Variants in EVI5 observed in about 807,000 individuals in gnomAD.
EVI5 encodes ecotropic viral integration site 5 protein homolog.
Under a neutral mutation model 112.0 loss-of-function variants are expected in EVI5, and 73 were observed. The observed-to-expected ratio is 0.65, with a 90% confidence interval of 0.54 to 0.79. EVI5 has a LOEUF of 0.79. Among genes scored for constraint, EVI5 ranks in the 30% least tolerant of loss-of-function variants. The pLI, the probability that EVI5 is intolerant of heterozygous loss-of-function variation, is 0.00. For synonymous variants in EVI5, 305 were observed against 319.9 expected (o/e 0.95, Z 0.50); for missense variants, 900 against 968.8 (o/e 0.93, Z 0.94).
At chr1:92,632,614 C>CA (rs1420205555) in intron 14 of EVI5, among the ~76,000 whole-genome samples, 1 of 152,068 alleles carries the variant, frequency 6.6e-6, no homozygotes, top group East Asian at 1.9e-4. Context: ...TTGATCTTTT[C>CA]AAAAAACCAG....
intron 1 of EVI5, among the ~76,000 whole-genome samples, chr1:92,790,779 A>ACTGC (rs1178520004): frequency 4.0e-5 from 6 of 150,204 alleles, no homozygotes; most frequent in Non-Finnish European, 8.8e-5. Context: ...ACATCACGCC[A>ACTGC]ATGCACTGCA....
chr1:92,556,612 T>C (rs957480516), intron 19 of EVI5, among the ~76,000 whole-genome samples: 1 of 152,158 alleles, frequency 6.6e-6, no homozygotes, highest in East Asian at 1.9e-4. Flanking sequence ...CTTAATGTAT[T>C]GTCATCTGAT....
intron 1 of EVI5, chr1:92,784,565 G>A: frequency 2.7e-6 from 1 of 366,994 alleles, no homozygotes; most frequent in Non-Finnish European, 3.8e-6. Flanking sequence ...TCCCTCCACC[G>A]CCCTGGGACG....
At chr1:92,557,521 A>C (rs1571521812) in intron 19 of EVI5, among the ~76,000 whole-genome samples, 1 of 151,012 alleles carries the variant, frequency 6.6e-6, no homozygotes, top group Admixed American at 6.6e-5. Flanking sequence ...CTAGTCTCAA[A>C]CTCCTGACCT....
At position 92,513,609 on chromosome 1, in the gene EVI5, GA is replaced by G. The variant is rs934205548; in HGVS notation, c.*46del. 1.6e-6 allele frequency: 2 copies of G among 1,244,838 alleles called. No homozygotes were observed. Among genetic ancestry groups the G allele is most frequent in the African/African-American group, 3.1e-5 (2 of 64,512 alleles). The allele number at this position is 1,244,838 out of a possible 1,614,324, so 77.1% of individuals were successfully genotyped here. ...TATTTCCAAAAAGCCCTAATCATATGATAACTGATCCCTTAAATAAATCCAT... is the reference window on the plus strand; with the variant it reads ...TATTTCCAAAAAGCCCTAATCATATGTAACTGATCCCTTAAATAAATCCAT... On this transcript the variant is annotated 3_prime_UTR_variant, in exon 20 of 20. Coordinates refer to ENST00000684568, the MANE Select transcript of EVI5 (RefSeq NM_001350197.2).
At chr1:92,636,415 TAC>T in intron 13 of EVI5, 79 bp from the exon 14 acceptor site, 1 of 1,202,228 alleles carries the variant, frequency 8.3e-7, no homozygotes, top group African/African-American at 1.5e-5. Context: ...AACCACATAA[TAC>T]AGTTATATTA....
chr1:92,559,256 C>G (rs1323493835), intron 19 of EVI5, among the ~76,000 whole-genome samples: 1 of 152,158 alleles, frequency 6.6e-6, no homozygotes, highest in Non-Finnish European at 1.5e-5. Flanking sequence ...TTTTGATCCA[C>G]GATTGGTTGA....
chr1:92,725,604 T>C (rs896482364), intron 2 of EVI5, among the ~76,000 whole-genome samples: 3 of 151,916 alleles, frequency 2.0e-5, no homozygotes, highest in African/African-American at 7.3e-5. Context: ...ACACCTGTAG[T>C]CCCAGCCACT....
chr1:92,623,081 T>TG (rs34372674), intron 16 of EVI5, among the ~76,000 whole-genome samples: 133 of 152,242 alleles, frequency 8.7e-4, no homozygotes, highest in Middle Eastern at 6.8e-3. Context: ...AAAAGCTGTG[T>TG]TTTCATCTTT....
intron 18 of EVI5, among the ~76,000 whole-genome samples, chr1:92,564,774 G>A (rs1267377466): frequency 6.6e-6 from 1 of 151,848 alleles, no homozygotes; most frequent in Non-Finnish European, 1.5e-5. Context: ...CTGCCACCTG[G>A]GTTCAAGCAA....
Position 92,783,494 on chromosome 1 carries a change from A to AG in EVI5, c.-82+1341_-82+1342insC, listed in dbSNP as rs1453798768. On this transcript the variant is annotated intron_variant, in intron 1 of 19. Transcript: ENST00000684568. ...GTGAGACTCAGCCTTAAAAAAAAAA[A>AG]AAAAAAAAAAAAAGAAAAGAAAAGA... Among the ~76,000 whole-genome samples the AG allele has an allele frequency of 7.5e-5, 9 of 119,294 alleles. 1 individual carries two copies. Among genetic ancestry groups the AG allele is most frequent in the Admixed American group, 6.5e-4 (7 of 10,718 alleles). The allele number at this position is 119,294 out of a possible 152,430, so 78.3% of individuals were successfully genotyped here.
At chr1:92,665,195 ACTCT>A (rs1446754454) in intron 11 of EVI5, among the ~76,000 whole-genome samples, 1 of 152,044 alleles carries the variant, frequency 6.6e-6, no homozygotes, top group Non-Finnish European at 1.5e-5. Context: ...ACAGAGCGAG[ACTCT>A]CTCTCAAAAA....
intron 18 of EVI5, among the ~76,000 whole-genome samples, chr1:92,593,605 C>A (rs1292126010): frequency 5.3e-5 from 8 of 152,128 alleles, no homozygotes; most frequent in South Asian, 2.1e-4. Flanking sequence ...AAGGGTATTC[C>A]ATTAGGAAAA....
intron 19 of EVI5, among the ~76,000 whole-genome samples, chr1:92,561,891 G>C (rs1668691158): frequency 6.6e-6 from 1 of 152,110 alleles, no homozygotes; most frequent in Non-Finnish European, 1.5e-5. Flanking sequence ...GCCTGCTTCA[G>C]CCTCCCAAAG....
intron 14 of EVI5, among the ~76,000 whole-genome samples, chr1:92,629,775 C>A (rs1038409628): frequency 1.3e-4 from 19 of 151,724 alleles, no homozygotes; most frequent in Non-Finnish European, 1.3e-4. Flanking sequence ...ATTAACTCGT[C>A]ATTTAACATT....
chr1:92,634,770 T>C (rs1658364018), intron 14 of EVI5, among the ~76,000 whole-genome samples: 1 of 152,222 alleles, frequency 6.6e-6, no homozygotes, highest in African/African-American at 2.4e-5. Context: ...TTTTAGAATT[T>C]TCAGTTTTTC....
Position 92,677,169 on chromosome 1 carries a change from C to A in EVI5, c.1147G>T (p.Val383Phe). 4 of 1,588,630 alleles carry A rather than the reference C, an allele frequency of 2.5e-6. No homozygotes were observed. Among genetic ancestry groups the A allele is most frequent in the Non-Finnish European group, 3.4e-6 (4 of 1,162,634 alleles). The change falls in exon 10 of 20, where the codon GTT (valine) becomes TTT (phenylalanine). Residue 383 changes from valine (V) to phenylalanine (F), a missense_variant. Physicochemically the swap from Val to Phe is conservative, Grantham distance 50. Coordinates refer to ENST00000684568, the MANE Select transcript of EVI5 (RefSeq NM_001350197.2). Reference sequence around the variant, plus strand: ...CCCCAACTGCTTACTTTAATTTCAACTTGCTCTTCCATTTCTTTCGTTTTT... The same window carrying A: ...CCCCAACTGCTTACTTTAATTTCAAATTGCTCTTCCATTTCTTTCGTTTTT... ...TIKTKEMEEQ[V>F]EIKRLRTENR... is the part of the protein sequence containing the mutation.
intron 18 of EVI5, among the ~76,000 whole-genome samples, chr1:92,564,661 T>C (rs1364616090): frequency 4.7e-5 from 7 of 147,546 alleles, no homozygotes; most frequent in African/African-American, 1.8e-4. Context: ...AAAACGAACA[T>C]AAATTATTTT....
chr1:92,748,705 T>C (rs1679701664), intron 1 of EVI5, among the ~76,000 whole-genome samples: 1 of 143,890 alleles, frequency 6.9e-6, no homozygotes, highest in Admixed American at 7.0e-5. Flanking sequence ...TTCAAATAAT[T>C]GAGAAAAAAA....
Sources: allele counts gnomAD v4.1 joint callset (sites outside exome capture counted in the v4.1 genomes callset), GRCh38; gene constraint gnomAD v4.1.1; transcripts MANE v1.5; gene names NCBI Gene and HGNC (gene_info 2026-07-23, HGNC 2026-07-21).